ATG13: variants seen among roughly 807,000 people sequenced by gnomAD.
The protein encoded by ATG13 is autophagy-related protein 13.
Under a neutral mutation model 65.5 loss-of-function variants are expected in ATG13, and 23 were observed. That is an observed-to-expected ratio of 0.35 (90% CI 0.25 to 0.50). The LOEUF is 0.50. Ranked by LOEUF, ATG13 falls within the 20% of genes least tolerant of loss-of-function variation. The pLI, the probability that ATG13 is intolerant of heterozygous loss-of-function variation, is 0.98. For missense variants in ATG13, 566 were observed against 677.0 expected (o/e 0.84, Z 1.82); for synonymous variants, 252 against 245.2 (o/e 1.03, Z -0.26).
chr11:46,627,338 C>A (rs1047617706), intron 1 of ATG13, among the ~76,000 whole-genome samples: 3 of 151,938 alleles, frequency 2.0e-5, no homozygotes, highest in Non-Finnish European at 2.9e-5. Context: ...GAGATTGCAC[C>A]ACTGCACTCC....
chr11:46,672,511 A>G lies in ATG13; in HGVS notation c.*179A>G, dbSNP rs2063989471. ...GACCTCCTGGAGACTCCGTGGCGGC[A>G]GTCAAGCCCAGTGCCCAGTTGGAGA... On this transcript the variant is annotated 3_prime_UTR_variant, in exon 19 of 19. Transcript: ENST00000683050. 1 of 1,468,862 alleles carries G rather than the reference A, an allele frequency of 6.8e-7. No individual in the cohort carries two copies. Among genetic ancestry groups the G allele is most frequent in the Admixed American group, 2.4e-5 (1 of 41,588 alleles). 91.0% of individuals were successfully genotyped at this position (1,468,862 alleles called of 1,614,324 possible). A position where few individuals can be genotyped will look rare whatever the true frequency, so the allele number is the denominator to read the frequency against.
chr11:46,655,445 C>T (rs930812454), intron 7 of ATG13, among the ~76,000 whole-genome samples: 3 of 151,554 alleles, frequency 2.0e-5, no homozygotes, highest in African/African-American at 7.3e-5. Context: ...TGGTGGCATG[C>T]GTCTGTAATC....
At chr11:46,652,942 GT>G (rs1370625977) in intron 7 of ATG13, among the ~76,000 whole-genome samples, 2 of 151,890 alleles carry the variant, frequency 1.3e-5, no homozygotes, top group Non-Finnish European at 2.9e-5. Context: ...TATAAAAAAA[GT>G]TTTTTTAGGA....
At chr11:46,624,532 G>A (rs1317221928) in intron 1 of ATG13, among the ~76,000 whole-genome samples, 1 of 151,384 alleles carries the variant, frequency 6.6e-6, no homozygotes, top group African/African-American at 2.4e-5. Context: ...TTTTTGAAGA[G>A]TGACGAGCCC....
chr11:46,646,037 T>A, intron 5 of ATG13, 48 bp downstream of exon 5: 1 of 1,609,992 alleles, frequency 6.2e-7, no homozygotes, highest in Non-Finnish European at 8.5e-7. Context: ...TGAAGGCTCC[T>A]CACACTCTGA....
Position 46,650,201 on chromosome 11 carries a change from C to A in ATG13, c.342C>A (p.Ser114=). ...NEKCDKEIKV[S]YTVYNRLSLL... is the part of the protein sequence containing the mutation. ...GGTGTGATAAAGAAATCAAAGTTTC[C>A]TACACGGTGTACAACAGACTGTCAT... The change falls in exon 7 of 19, where the codon TCC becomes TCA. Residue 114 remains serine (S), a synonymous_variant. Coordinates refer to ENST00000683050, the MANE Select transcript of ATG13 (RefSeq NM_001346311.2). The A allele has an allele frequency of 6.2e-7, 1 of 1,613,938 alleles. No homozygotes were observed. Among genetic ancestry groups the A allele is most frequent in the Non-Finnish European group, 8.5e-7 (1 of 1,179,904 alleles).
intron 1 of ATG13, 158 bp downstream of exon 1, chr11:46,618,048 G>A: frequency 2.5e-6 from 1 of 396,420 alleles, no homozygotes; most frequent in South Asian, 1.4e-4. Context: ...AGTTGAGTTG[G>A]TCTAGGCCCC....
intron 18 of ATG13, among the ~76,000 whole-genome samples, chr11:46,671,349 G>A (rs2063683788): frequency 6.6e-6 from 1 of 152,158 alleles, no homozygotes. Context: ...GATACTCTAG[G>A]ACAGTTAAAC....
At position 46,618,800 on chromosome 11, in the gene ATG13, G is replaced by GT. The variant is rs372723796; in HGVS notation, c.-70+916dup. Among the ~76,000 whole-genome samples, 1,274 of 151,858 alleles carry GT rather than the reference G, an allele frequency of 8.4e-3. 9 individuals are homozygous for GT. The highest frequency in any genetic ancestry group is 0.03 in the African/African-American group (1,227 of 41,454). ...TTATCAGCTCAGGAGAAGTCTTTTA[G>GT]TTTTTTAGATTTTAAAATTTTTATT... is the stretch of plus-strand genomic sequence containing the variant. On this transcript the variant is annotated intron_variant, in intron 1 of 18. Transcript: ENST00000683050.
At chr11:46,654,605 C>A (rs2059643358) in intron 7 of ATG13, among the ~76,000 whole-genome samples, 1 of 150,686 alleles carries the variant, frequency 6.6e-6, no homozygotes, top group African/African-American at 2.4e-5. Context: ...GCCTGTAGTC[C>A]CAGCTGCTTA....
At chr11:46,645,094 CTCAACCTGTAATTCCTT>C (rs775061950) in intron 3 of ATG13, among the ~76,000 whole-genome samples, 8 of 152,198 alleles carry the variant, frequency 5.3e-5, no homozygotes, top group Non-Finnish European at 8.8e-5. Flanking sequence ...GTTTCCAAGC[CTCAACCTGTAATTCCTT>C]TCATTGGTTG....
rs549878002 is a variant in ATG13 at position 46,672,816 on chromosome 11, A to T, written c.*484A>T. On this transcript the variant is annotated 3_prime_UTR_variant, in exon 19 of 19. Transcript: ENST00000683050. ...AGGAGGAAGAAGGAAGGAGTCCCTT[A>T]GCTCTCTTCATTGTCCCCTTTACTT... is the stretch of plus-strand genomic sequence containing the variant. 2.3e-5 allele frequency: 30 copies of T among 1,295,414 alleles called. 1 individual carries two copies. The South Asian group carries it at 3.6e-4, about 15-fold the overall frequency. The allele number at this position is 1,295,414 out of a possible 1,614,324, so 80.2% of individuals were successfully genotyped here. A position where few individuals can be genotyped will look rare whatever the true frequency, so the allele number is the denominator to read the frequency against.
Position 46,661,639 on chromosome 11 carries a change from C to G in ATG13, c.789+2154C>G, listed in dbSNP as rs1319720896. ...CTGAGCCCAAGAGTTCAAGACCAGC[C>G]TGGGCAACATGGTGAAACCCTGTCT... On this transcript the variant is annotated intron_variant, in intron 11 of 18. Transcript: ENST00000683050. Among the ~76,000 whole-genome samples the G allele has an allele frequency of 2.0e-5, 3 of 151,584 alleles. No individual in the cohort carries two copies. In the East Asian group the frequency reaches 5.8e-4, roughly 29 times the overall value.
chr11:46,672,841 TC>T lies in ATG13; in HGVS notation c.*511del, dbSNP rs2064059549. ...AGCTCTCTTCATTGTCCCCTTTACT[TC>T]CTGCTATCTTCTTCTCCTCTTCTTC... is the stretch of plus-strand genomic sequence containing the variant. On this transcript the variant is annotated 3_prime_UTR_variant, in exon 19 of 19. Coordinates refer to ENST00000683050, the MANE Select transcript of ATG13 (RefSeq NM_001346311.2). 8.3e-7 allele frequency: 1 copy of T among 1,210,058 alleles called. No homozygotes were observed. Among genetic ancestry groups the T allele is most frequent in the Non-Finnish European group, 1.1e-6 (1 of 938,274 alleles). 75.0% of individuals were successfully genotyped at this position (1,210,058 alleles called of 1,614,324 possible).
intron 2 of ATG13, chr11:46,632,363 G>A (rs756935246): frequency 5.9e-5 from 9 of 152,180 alleles, no homozygotes; most frequent in Non-Finnish European, 1.2e-4. Flanking sequence ...CAGCTCACAT[G>A]AACTTACATA....
intron 15 of ATG13, 119 bp downstream of exon 15, chr11:46,668,006 A>C (rs2062765591): frequency 1.3e-6 from 1 of 753,296 alleles, no homozygotes. Context: ...GGCATGCAAA[A>C]CTGTATGTGT....
intron 5 of ATG13, among the ~76,000 whole-genome samples, chr11:46,647,119 A>C (rs974154750): frequency 6.6e-6 from 1 of 152,144 alleles, no homozygotes; most frequent in African/African-American, 2.4e-5. Flanking sequence ...ACTTCTGCTC[A>C]TCCTTCAAGA....
chr11:46,632,722 T>C (rs2052238070), intron 2 of ATG13, among the ~76,000 whole-genome samples: 1 of 152,096 alleles, frequency 6.6e-6, no homozygotes, highest in African/African-American at 2.4e-5. Flanking sequence ...CACTTGCCCC[T>C]GTGGTAGAGA....
intron 2 of ATG13, among the ~76,000 whole-genome samples, chr11:46,640,103 C>A (rs540374221): frequency 6.6e-6 from 1 of 152,098 alleles, no homozygotes; most frequent in African/African-American, 2.4e-5. Flanking sequence ...TCTTGGCCCC[C>A]CAAAGTACTG....
Sources: gnomAD v4.1 joint callset for allele counts (sites outside exome capture counted in the v4.1 genomes callset) on GRCh38, gnomAD v4.1.1 for gene constraint, MANE v1.5 for transcripts, NCBI Gene and HGNC (gene_info 2026-07-23, HGNC 2026-07-21) for gene names.